ABCF2: variants seen among roughly 807,000 people sequenced by gnomAD.
The protein encoded by ABCF2 is ATP binding cassette subfamily F member 2, also known as ATP-binding cassette sub-family F member 2.
In ABCF2, 37 loss-of-function variants were observed where a neutral mutation model predicts 76.9. The ratio of observed to expected loss-of-function variants is 0.48; its 90% CI spans 0.37 to 0.63. The LOEUF is 0.63. Ranked by LOEUF, ABCF2 falls within the 30% of genes least tolerant of loss-of-function variation. The pLI is 0.00. For missense variants in ABCF2, 524 were observed against 782.1 expected, an observed-to-expected ratio of 0.67 and a Z score of 3.94; for synonymous variants, 299 against 283.7, an observed-to-expected ratio of 1.05 and a Z score of -0.54.
At chr7:151,220,263 C>A (rs1802239717) in intron 7 of ABCF2, among the ~76,000 whole-genome samples, 1 of 151,864 alleles carries the variant, frequency 6.6e-6, no homozygotes, top group East Asian at 1.9e-4. Context: ...GTGGCATGCG[C>A]CTGTAGTCCC....
rs1802050610 is a variant in ABCF2, at chr7:151,211,838, T to C, written c.*2216A>G. On this transcript the variant is annotated 3_prime_UTR_variant, in exon 15 of 15. Coordinates refer to ENST00000287844, the MANE Select transcript of ABCF2 (RefSeq NM_007189.3). ...ATAAAGCAGTCAAGCCAGTACCCTC[T>C]GGGGTCAGAGGACTCCCATCTGTCT... 4 of 985,296 alleles carry C rather than the reference T, an allele frequency of 4.1e-6. No individual in the cohort carries two copies. In the South Asian group the frequency reaches 1.9e-4, roughly 46 times the overall value. 61.0% of individuals were successfully genotyped at this position (985,296 alleles called of 1,614,324 possible). A position where few individuals can be genotyped will look rare whatever the true frequency, so the allele number is the denominator to read the frequency against.
At position 151,211,980 on chromosome 7, in the gene ABCF2, T is replaced by C; in HGVS notation, c.*2074A>G. On this transcript the variant is annotated 3_prime_UTR_variant, in exon 15 of 15. Coordinates refer to ENST00000287844, the MANE Select transcript of ABCF2 (RefSeq NM_007189.3). The stretch of plus-strand genomic sequence containing the variant: ...CAAGTGAGAGCACACCAATTCCACC[T>C]TTCTGGGCAGCTACTCACAAGAAAT... 2 of 980,230 alleles carry C rather than the reference T, an allele frequency of 2.0e-6. No individual in the cohort carries two copies. The highest frequency in any genetic ancestry group is 4.7e-5 in the South Asian group (1 of 21,192). The allele number at this position is 980,230 out of a possible 1,614,324, so 60.7% of individuals were successfully genotyped here.
chr7:151,214,625 C>G lies in ABCF2; in HGVS notation c.1734+254G>C, dbSNP rs988695324. On this transcript the variant is annotated intron_variant, in intron 14 of 14. Transcript: ENST00000287844. The surrounding 1 kb of genome is among the most constrained non-coding windows in gnomAD (Gnocchi z 4.9). Reference sequence around the variant, plus strand: ...AAAGCACCGTTTTCTACCCAACTCTCTTTCCCATTTGGGCCCAAAATGCTA... The same window carrying G: ...AAAGCACCGTTTTCTACCCAACTCTGTTTCCCATTTGGGCCCAAAATGCTA... Among the ~76,000 whole-genome samples, 9 of 152,214 alleles carry G rather than the reference C, an allele frequency of 5.9e-5. No homozygotes were observed.
Position 151,215,651 on chromosome 7 carries a change from C to T in ABCF2, c.1483G>A (p.Glu495Lys). The stretch of plus-strand genomic sequence containing the variant: ...TATCGCCCAATGATCTTCCTCATTT[C>T]TTCCTTCTCCTTGATCTCTGGGTAG... ...KCYPEIKEKE[E>K]MRKIIGRYGL... Residue 495 changes from glutamate (E) to lysine (K), a missense_variant, in exon 13 of 15, where the codon GAA becomes AAA. Physicochemically the swap from Glu to Lys is moderately conservative, Grantham distance 56 (BLOSUM62 1). This residue lies in a region of ABCF2 where 194 missense variants were observed against 348.6 expected (regional missense o/e 0.56). Coordinates refer to ENST00000287844, the MANE Select transcript of ABCF2 (RefSeq NM_007189.3). The surrounding 1 kb of genome is among the most constrained non-coding windows in gnomAD (Gnocchi z 4.6). 1.9e-6 allele frequency: 3 copies of T among 1,614,186 alleles called. No individual in the cohort carries two copies. Among genetic ancestry groups the T allele is most frequent in the Non-Finnish European group, 2.5e-6 (3 of 1,180,036 alleles).
Position 151,215,697 on chromosome 7 carries a change from A to G in ABCF2, c.1437T>C (p.Pro479=). The part of the protein sequence containing the change: ...LQEQLDLDLS[P]LEYMMKCYPE... ...GGTAGCACTTCATCATGTACTCCAAAGGTGAGAGATCTAAGTCCAGCTGCT... is the reference window on the plus strand; with the variant it reads ...GGTAGCACTTCATCATGTACTCCAAGGGTGAGAGATCTAAGTCCAGCTGCT... The change falls in exon 13 of 15, where the codon CCT becomes CCC. Residue 479 remains proline, a synonymous_variant. Coordinates refer to ENST00000287844, the MANE Select transcript of ABCF2 (RefSeq NM_007189.3). This position sits in a 1 kb window ranked among gnomAD's most constrained non-coding sequence, Gnocchi z 4.6. The G allele has an allele frequency of 6.2e-7, 1 of 1,614,148 alleles. No homozygotes were observed. Among genetic ancestry groups the G allele is most frequent in the Non-Finnish European group, 8.5e-7 (1 of 1,180,026 alleles).
chr7:151,215,131 C>G lies in ABCF2; in HGVS notation c.1531-49G>C. The G allele has an allele frequency of 6.7e-7, 1 of 1,501,190 alleles. No individual in the cohort carries two copies. Among genetic ancestry groups the G allele is most frequent in the Non-Finnish European group, 9.1e-7 (1 of 1,094,782 alleles). 93.0% of individuals were successfully genotyped at this position (1,501,190 alleles called of 1,614,324 possible). ...ATAACTTGGCATTATCCCCGCCAAA[C>G]AGCACAGCTCATCTCTCCCTCATTT... On this transcript the variant is annotated intron_variant, in intron 13 of 14. Transcript: ENST00000287844. The surrounding 1 kb of genome is among the most constrained non-coding windows in gnomAD (Gnocchi z 4.6).
chr7:151,218,310 G>C, intron 10 of ABCF2, 119 bp from the exon 11 acceptor site: 1 of 786,208 alleles, frequency 1.3e-6, no homozygotes, highest in South Asian at 1.6e-5. Context: ...AGTAGCGGGA[G>C]GAAGCACTCA....
At chr7:151,222,405 G>A (rs1802286836) in intron 6 of ABCF2, 116 bp downstream of exon 6, 8 of 782,672 alleles carry the variant, frequency 1.0e-5, no homozygotes, top group Middle Eastern at 2.4e-4. Flanking sequence ...AGTGAACTCT[G>A]TCCTTCCTTC....
intron 6 of ABCF2, 60 bp downstream of exon 6, chr7:151,222,461 C>T: frequency 7.3e-7 from 1 of 1,379,308 alleles, no homozygotes. Flanking sequence ...TCTGGGCATC[C>T]ATTTTCTAGA....
Position 151,211,601 on chromosome 7 carries a change from T to C in ABCF2, c.*2453A>G, listed in dbSNP as rs189412360. 1.7e-4 allele frequency: 170 copies of C among 985,316 alleles called. 3 individuals are homozygous for C. In the Admixed American group the frequency reaches 9.0e-3, roughly 52 times the overall value. The allele number at this position is 985,316 out of a possible 1,614,324, so 61.0% of individuals were successfully genotyped here. A position where few individuals can be genotyped will look rare whatever the true frequency, so the allele number is the denominator to read the frequency against. ...TTTCCATTCCTCCAGGTTCTGAAGA[T>C]CTCCTGTCCTAGTATGGAGACTCTG... On this transcript the variant is annotated 3_prime_UTR_variant, in exon 15 of 15. Transcript: ENST00000287844.
Position 151,215,755 on chromosome 7 carries a change from C to T in ABCF2, c.1402-23G>A, listed in dbSNP as rs960659596. 34 of 1,614,070 alleles carry T rather than the reference C, an allele frequency of 2.1e-5. No individual in the cohort carries two copies. Among genetic ancestry groups the T allele is most frequent in the Non-Finnish European group, 2.9e-5 (34 of 1,179,984 alleles). ...ATGCTACAGGAAAAATGGAAGCCAC[C>T]CGGGTGTGACTGGCATCCCGCTTCA... is the stretch of plus-strand genomic sequence containing the variant. On this transcript the variant is annotated intron_variant, in intron 12 of 14. Coordinates refer to ENST00000287844, the MANE Select transcript of ABCF2 (RefSeq NM_007189.3). This position sits in a 1 kb window ranked among gnomAD's most constrained non-coding sequence, Gnocchi z 4.6.
At position 151,218,654 on chromosome 7, in the gene ABCF2, G is replaced by C. The variant is rs376119610; in HGVS notation, c.1138-4C>G. On this transcript the variant is annotated splice_region_variant and splice_polypyrimidine_tract_variant and intron_variant, in intron 9 of 14. Transcript: ENST00000287844. Reference sequence around the variant, plus strand: ...GTGGGAAATAAAATGACAGTGTCTAGGAAGAAAAGAGGGCATTTATCAAGT... The same window carrying C: ...GTGGGAAATAAAATGACAGTGTCTACGAAGAAAAGAGGGCATTTATCAAGT... The C allele has an allele frequency of 6.2e-7, 1 of 1,613,952 alleles. No individual in the cohort carries two copies. Among genetic ancestry groups the C allele is most frequent in the Middle Eastern group, 1.6e-4 (1 of 6,062 alleles).
chr7:151,222,674 AC>A, intron 5 of ABCF2, 58 bp from the exon 6 acceptor site: 1 of 1,450,834 alleles, frequency 6.9e-7, no homozygotes, highest in Non-Finnish European at 9.6e-7. Flanking sequence ...GTGACACAGG[AC>A]GGGACAAACT....
intron 7 of ABCF2, among the ~76,000 whole-genome samples, chr7:151,220,253 G>A (rs1245108495): frequency 4.6e-5 from 7 of 152,156 alleles, no homozygotes; most frequent in Admixed American, 3.3e-4. Flanking sequence ...GCTGGGTGTG[G>A]TGGCATGCGC....
rs1431178705 is a variant in ABCF2, at chr7:151,215,621, G to A, written c.1513C>T (p.Leu505Phe). 6.2e-7 allele frequency: 1 copy of A among 1,613,942 alleles called. No homozygotes were observed. Among genetic ancestry groups the A allele is most frequent in the Admixed American group, 1.7e-5 (1 of 59,998 alleles). ...TTACTGACCTGTTGTTTCCCAGTGA[G>A]ACCGTATCGCCCAATGATCTTCCTC... ...EMRKIIGRYGLTGKQQVSPIR... is the reference protein window; with the variant it reads ...EMRKIIGRYGFTGKQQVSPIR... Residue 505 changes from leucine to phenylalanine, a missense_variant, in exon 13 of 15, where the codon CTC becomes TTC. By Grantham distance (22) the Leu-to-Phe change is conservative. Transcript: ENST00000287844. This position sits in a 1 kb window ranked among gnomAD's most constrained non-coding sequence, Gnocchi z 4.6.
intron 2 of ABCF2, 89 bp from the exon 3 acceptor site, chr7:151,225,077 C>A: frequency 8.6e-7 from 1 of 1,168,208 alleles, no homozygotes; most frequent in South Asian, 1.2e-5. Context: ...AGGCTCCAAT[C>A]CTGCTGAGCA....
intron 5 of ABCF2, 123 bp downstream of exon 5, chr7:151,223,555 A>G: frequency 8.7e-7 from 1 of 1,143,480 alleles, no homozygotes; most frequent in Non-Finnish European, 1.2e-6. Context: ...TCCACACTGC[A>G]GATGTCCATG....
chr7:151,217,444 C>G (rs1298267382), intron 11 of ABCF2, among the ~76,000 whole-genome samples: 3 of 152,202 alleles, frequency 2.0e-5, no homozygotes, highest in East Asian at 3.8e-4. Flanking sequence ...AATGACATTA[C>G]TTGAGAACCT....
In ABCF2 at chr7:151,224,992, C is replaced by A. The variant is rs368743220; in HGVS notation, c.155-4G>T. The A allele has an allele frequency of 2.5e-6, 4 of 1,613,526 alleles. No homozygotes were observed. Among genetic ancestry groups the A allele is most frequent in the East Asian group, 2.2e-5 (1 of 44,904 alleles). The stretch of plus-strand genomic sequence containing the variant: ...TCCTTGGTCAGCAAATCTACTTCTG[C>A]GGATAGAAAAGCAGTTTGGGAAGAT... On this transcript the variant is annotated splice_region_variant and splice_polypyrimidine_tract_variant and intron_variant, in intron 2 of 14. Coordinates refer to ENST00000287844, the MANE Select transcript of ABCF2 (RefSeq NM_007189.3).
Sources: allele counts gnomAD v4.1 joint callset (sites outside exome capture counted in the v4.1 genomes callset), GRCh38; gene constraint gnomAD v4.1.1; regional missense constraint gnomAD v4.1.1; non-coding constraint Gnocchi (gnomAD v3.1); transcripts MANE v1.5; gene names NCBI Gene and HGNC (gene_info 2026-07-23, HGNC 2026-07-21).